The following GPRC6A variants were observed in gnomAD, a reference collection of about 807,000 sequenced individuals.
The protein encoded by GPRC6A is G protein-coupled receptor family C group 6 member A.
Under a neutral mutation model 47.0 loss-of-function variants are expected in GPRC6A, and 54 were observed. That is an observed-to-expected ratio of 1.15 (90% confidence interval 0.92 to 1.44). The LOEUF (loss-of-function observed/expected upper bound fraction) is 1.44. GPRC6A is among the 40% of genes most tolerant of loss of function. GPRC6A has a pLI of 0.00. For synonymous variants in GPRC6A, 347 were observed against 377.1 expected (o/e 0.92, Z 0.93); for missense variants, 1,112 against 1,105.5 (o/e 1.01, Z -0.08).
Position 116,793,011 on chromosome 6 carries a change from G to A in GPRC6A, c.1912C>T (p.Leu638Phe). Residue 638 changes from leucine (L) to phenylalanine (F), a missense_variant, in exon 6 of 6, where the codon CTC becomes TTC. Coordinates refer to ENST00000310357, the MANE Select transcript of GPRC6A (RefSeq NM_148963.4). The part of the protein sequence containing the change: ...GGLRVCYVIL[L>F]CHFLNFASTS... ...CTGGCAAAATTGAGGAAATGACAGAGAAGGATCACATAGCAGACTCTTAAT... is the reference window on the plus strand; with the variant it reads ...CTGGCAAAATTGAGGAAATGACAGAAAAGGATCACATAGCAGACTCTTAAT... 2 of 1,614,088 alleles carry A rather than the reference G, an allele frequency of 1.2e-6. No homozygotes were observed. The highest frequency in any genetic ancestry group is 2.2e-5 in the East Asian group (1 of 44,884).
Position 116,800,813 on chromosome 6 carries a change from CAG to C in GPRC6A, c.1336-19_1336-18del. On this transcript the variant is annotated intron_variant, in intron 3 of 5. Transcript: ENST00000310357. ...ACCAAGTAACTATAAAAAATAAAAACAGAGATAAGCACTTAATATAAATGTTG... is the reference window on the plus strand; with the variant it reads ...ACCAAGTAACTATAAAAAATAAAAACAGATAAGCACTTAATATAAATGTTG... 2 of 1,454,616 alleles carry C rather than the reference CAG, an allele frequency of 1.4e-6. No individual in the cohort carries two copies. The highest frequency in any genetic ancestry group is 9.6e-7 in the Non-Finnish European group (1 of 1,041,466). The allele number at this position is 1,454,616 out of a possible 1,614,324, so 90.1% of individuals were successfully genotyped here.
chr6:116,829,104 C>A (rs1773767061), upstream of GPRC6A: 8 of 1,487,150 alleles, frequency 5.4e-6, no homozygotes, highest in South Asian at 1.0e-4. Flanking sequence ...CCTGTAAACA[C>A]CTTATAAGGT....
intron 1 of GPRC6A, among the ~76,000 whole-genome samples, chr6:116,810,521 A>G (rs1772988380): frequency 6.6e-6 from 1 of 151,938 alleles, no homozygotes; most frequent in Non-Finnish European, 1.5e-5. Flanking sequence ...CTTCTTGGCC[A>G]GATACTCTTC....
chr6:116,813,194 A>T (rs1459563228), intron 1 of GPRC6A, among the ~76,000 whole-genome samples: 1 of 152,178 alleles, frequency 6.6e-6, no homozygotes, highest in Non-Finnish European at 1.5e-5. Flanking sequence ...AAGGTAATTT[A>T]TAGATTCAAT....
At chr6:116,824,463 C>A (rs886544723) in intron 1 of GPRC6A, among the ~76,000 whole-genome samples, 1 of 151,720 alleles carries the variant, frequency 6.6e-6, no homozygotes, top group Admixed American at 6.6e-5. Flanking sequence ...CTATTAGGAA[C>A]AATTATATGC....
At chr6:116,812,113 A>G (rs1436070000) in intron 1 of GPRC6A, among the ~76,000 whole-genome samples, 1 of 152,202 alleles carries the variant, frequency 6.6e-6, no homozygotes, top group Non-Finnish European at 1.5e-5. Context: ...GAGAATTCTA[A>G]AAACAGTGAG....
intron 1 of GPRC6A, among the ~76,000 whole-genome samples, chr6:116,817,721 C>A (rs964619183): frequency 2.4e-4 from 37 of 152,032 alleles, no homozygotes; most frequent in African/African-American, 8.4e-4. Context: ...GGCTCGAGAA[C>A]TACGTGAAGA....
At chr6:116,821,421 A>G (rs1773471976) in intron 1 of GPRC6A, among the ~76,000 whole-genome samples, 4 of 152,230 alleles carry the variant, frequency 2.6e-5, no homozygotes, top group South Asian at 2.1e-4. Context: ...AAGCCAAAAG[A>G]ACAAAGCTGG....
At chr6:116,795,539 A>G (rs536826379) in intron 5 of GPRC6A, among the ~76,000 whole-genome samples, 173 bp downstream of exon 5, 2 of 152,214 alleles carry the variant, frequency 1.3e-5, no homozygotes, top group South Asian at 4.1e-4. Context: ...ACCTGTTGAC[A>G]TAATAGAGCA....
rs1033717147 is a variant in GPRC6A at position 116,792,222 on chromosome 6, G to A, written c.2701C>T (p.Gln901Ter). ...TCCCTGCATATGTGTGCAAATGCTT[G>A]TGCCTGAAGATCTTTGCTTTTCTGC... is the stretch of plus-strand genomic sequence containing the variant. ...TWQKSKDLQA[Q>*]AFAHICRENA... The change falls in exon 6 of 6, where the codon CAA becomes TAA. Residue 901 changes from glutamine to a stop codon, truncating the protein, a stop_gained. Coordinates refer to ENST00000310357, the MANE Select transcript of GPRC6A (RefSeq NM_148963.4). LOFTEE classifies it low-confidence loss of function (END_TRUNC). 1 of 1,614,008 alleles carries A rather than the reference G, an allele frequency of 6.2e-7. No individual in the cohort carries two copies. Among genetic ancestry groups the A allele is most frequent in the African/African-American group, 1.3e-5 (1 of 75,026 alleles).
intron 3 of GPRC6A, 66 bp from the exon 4 acceptor site, chr6:116,800,862 T>TG: frequency 2.3e-6 from 2 of 886,754 alleles, no homozygotes; most frequent in Non-Finnish European, 3.6e-6. Context: ...ATTATTCTAA[T>TG]GATAACACTG....
At position 116,817,717 on chromosome 6, in the gene GPRC6A, A is replaced by C. The variant is rs1297467154; in HGVS notation, c.195-8100T>G. 8.5e-5 allele frequency among the ~76,000 whole-genome samples: 13 copies of C among 152,280 alleles called. No individual in the cohort carries two copies. The South Asian group carries it at 2.5e-3, about 29-fold the overall frequency. Reference sequence around the variant, plus strand: ...TGATGGAGCTGAAAGCCAAGGCTCGAGAACTACGTGAAGAATGCAGAAGCC... The same window carrying C: ...TGATGGAGCTGAAAGCCAAGGCTCGCGAACTACGTGAAGAATGCAGAAGCC... On this transcript the variant is annotated intron_variant, in intron 1 of 5. Transcript: ENST00000310357.
intron 5 of GPRC6A, among the ~76,000 whole-genome samples, chr6:116,794,040 C>A (rs73765857): frequency 6.6e-6 from 1 of 152,188 alleles, no homozygotes; most frequent in African/African-American, 2.4e-5. Flanking sequence ...GGCTGCAGGG[C>A]AGCACAAATA....
At position 116,800,944 on chromosome 6, in the gene GPRC6A, T is replaced by A. The variant is rs1772657192; in HGVS notation, c.1336-148A>T. 13 of 615,510 alleles carry A rather than the reference T, an allele frequency of 2.1e-5. No individual in the cohort carries two copies. The East Asian group carries it at 3.6e-4, about 17-fold the overall frequency. The allele number at this position is 615,510 out of a possible 1,614,324, so 38.1% of individuals were successfully genotyped here. Reference sequence around the variant, plus strand: ...TCACTGGTTGGAGAATTCTTAACTATCTGGCAACAATTTGAGAATGAATTT... The same window carrying A: ...TCACTGGTTGGAGAATTCTTAACTAACTGGCAACAATTTGAGAATGAATTT... On this transcript the variant is annotated intron_variant, in intron 3 of 5. Coordinates refer to ENST00000310357, the MANE Select transcript of GPRC6A (RefSeq NM_148963.4).
intron 3 of GPRC6A, among the ~76,000 whole-genome samples, chr6:116,804,859 C>G (rs1408033521): frequency 6.6e-6 from 1 of 152,072 alleles, no homozygotes; most frequent in Non-Finnish European, 1.5e-5. Context: ...CCCCGCTCCA[C>G]TTTATGTCAT....
intron 1 of GPRC6A, among the ~76,000 whole-genome samples, chr6:116,818,062 T>A (rs1361376759): frequency 3.9e-5 from 6 of 152,010 alleles, no homozygotes; most frequent in Non-Finnish European, 8.8e-5. Flanking sequence ...GAAGAGCAAC[T>A]CCAAGACATG....
At chr6:116,818,832 G>A (rs1420623973) in intron 1 of GPRC6A, among the ~76,000 whole-genome samples, 1 of 151,308 alleles carries the variant, frequency 6.6e-6, no homozygotes, top group African/African-American at 2.4e-5. Flanking sequence ...TCATTATAAT[G>A]ACAGGATCAA....
chr6:116,801,240 A>G (rs1772665672), intron 3 of GPRC6A, among the ~76,000 whole-genome samples: 1 of 152,208 alleles, frequency 6.6e-6, no homozygotes, highest in Non-Finnish European at 1.5e-5. Flanking sequence ...TATATTTCTA[A>G]GCTAATTCAC....
chr6:116,821,043 C>T (rs1261852351), intron 1 of GPRC6A, among the ~76,000 whole-genome samples: 1 of 149,798 alleles, frequency 6.7e-6, no homozygotes, highest in Non-Finnish European at 1.5e-5. Context: ...ACAAAAATCA[C>T]AAGCATTCTT....
Sources: gnomAD v4.1 joint callset for allele counts (sites outside exome capture counted in the v4.1 genomes callset) on GRCh38, gnomAD v4.1.1 for gene constraint, MANE v1.5 for transcripts, NCBI Gene and HGNC (gene_info 2026-07-23, HGNC 2026-07-21) for gene names.